UACA: variants seen among roughly 807,000 people sequenced by gnomAD.
The protein encoded by UACA is nuclear membrane binding protein.
Under a neutral mutation model 160.5 loss-of-function variants are expected in UACA, and 112 were observed. That is an observed-to-expected ratio of 0.70 (90% CI 0.60 to 0.82). The LOEUF is 0.82. Ranked by LOEUF, UACA falls within the 40% of genes least tolerant of loss-of-function variation. UACA has a pLI of 0.00. For missense variants in UACA, 1,574 were observed against 1,614.6 expected (o/e 0.97, Z 0.43); for synonymous variants, 557 against 568.4 (o/e 0.98, Z 0.29).
chr15:70,735,204 G>C (rs1011933924), intron 1 of UACA, among the ~76,000 whole-genome samples: 15 of 132,658 alleles, frequency 1.1e-4, no homozygotes, highest in Admixed American at 5.7e-4. Flanking sequence ...AGGGCAGACA[G>C]AGGGATGGGG....
the UACA span, among the ~76,000 whole-genome samples, chr15:70,770,390 C>T: frequency 2.6e-5 from 4 of 152,172 alleles, no homozygotes; most frequent in African/African-American, 4.8e-5. Context: ...GATTTGTCCA[C>T]TCTTATGTCT....
chr15:70,695,103 A>G lies in UACA; in HGVS notation c.215T>C (p.Phe72Ser). The change falls in exon 3 of 19, where the codon TTC (phenylalanine) becomes TCC (serine). Residue 72 changes from phenylalanine to serine, a missense_variant and splice_region_variant. Phe to Ser is a radical substitution (Grantham distance 155). Transcript: ENST00000322954. ...ATTCCCCTTTGAGGTCACAACATGG[A>G]AGCTAAACAAAAAAAAAATATTTGT... ...GKLDVEGRSV[F>S]HVVTSKGNLE... 6.3e-7 allele frequency: 1 copy of G among 1,592,290 alleles called. No homozygotes were observed. The highest frequency in any genetic ancestry group is 8.5e-7 in the Non-Finnish European group (1 of 1,170,104).
intron 9 of UACA, among the ~76,000 whole-genome samples, chr15:70,680,334 A>T (rs1029792321): frequency 1.3e-5 from 2 of 152,096 alleles, no homozygotes; most frequent in Non-Finnish European, 2.9e-5. Flanking sequence ...AACCAAAATG[A>T]TCTTTAAATC....
chr15:70,703,474 A>G (rs1473210505), intron 1 of UACA, among the ~76,000 whole-genome samples: 1 of 152,152 alleles, frequency 6.6e-6, no homozygotes, highest in Non-Finnish European at 1.5e-5. Flanking sequence ...TGAAACAATG[A>G]TTGTTTTTTC....
intron 5 of UACA, 27 bp from the exon 6 acceptor site, chr15:70,687,847 A>G (rs1162922060): frequency 6.2e-7 from 1 of 1,606,058 alleles, no homozygotes; most frequent in Non-Finnish European, 8.5e-7. Context: ...AAAATGATAA[A>G]TGGTGAACAT....
intron 1 of UACA, among the ~76,000 whole-genome samples, chr15:70,726,251 GC>G (rs1158247053): frequency 1.3e-5 from 2 of 152,014 alleles, no homozygotes; most frequent in African/African-American, 4.8e-5. Flanking sequence ...TTGAGTTTCT[GC>G]TTAAATAAGC....
intron 1 of UACA, among the ~76,000 whole-genome samples, chr15:70,735,417 T>C (rs1461513902): frequency 6.6e-6 from 1 of 151,954 alleles, no homozygotes; most frequent in Non-Finnish European, 1.5e-5. Context: ...AAGTGTTGTC[T>C]AGGAATATAT....
chr15:70,712,964 C>T (rs1368257759), intron 1 of UACA, among the ~76,000 whole-genome samples: 1 of 152,174 alleles, frequency 6.6e-6, no homozygotes, highest in Non-Finnish European at 1.5e-5. Context: ...GCATGGAAGA[C>T]AGCCCAAGTC....
intron 1 of UACA, among the ~76,000 whole-genome samples, chr15:70,744,558 A>G (rs1463079459): frequency 6.6e-6 from 1 of 152,200 alleles, no homozygotes; most frequent in Non-Finnish European, 1.5e-5. Context: ...TTAATGGAAT[A>G]AAAGCTACCT....
rs1896469525 is a variant in UACA at position 70,656,174 on chromosome 15, T to C, written c.*882A>G. 1 of 152,206 alleles carries C rather than the reference T, an allele frequency of 6.6e-6. No individual in the cohort carries two copies. Among genetic ancestry groups the C allele is most frequent in the Non-Finnish European group, 1.5e-5 (1 of 68,030 alleles). The allele number at this position is 152,206 out of a possible 1,614,324, so 9.4% of individuals were successfully genotyped here. ...TTTCACATTATTAATCTCATTAATATAACTTTCCTATAAATAAGCATGAAA... is the reference window on the plus strand; with the variant it reads ...TTTCACATTATTAATCTCATTAATACAACTTTCCTATAAATAAGCATGAAA... On this transcript the variant is annotated 3_prime_UTR_variant, in exon 19 of 19. Transcript: ENST00000322954.
chr15:70,729,230 G>A (rs1257789180), intron 1 of UACA, among the ~76,000 whole-genome samples: 7 of 152,068 alleles, frequency 4.6e-5, no homozygotes, highest in South Asian at 2.1e-4. Context: ...AAAAGACACC[G>A]TACTTGTATG....
At position 70,744,675 on chromosome 15, in the gene UACA, C is replaced by A. The variant is rs113835875; in HGVS notation, c.78+18655G>T. On this transcript the variant is annotated intron_variant, in intron 1 of 18. Transcript: ENST00000322954. ...AAAATGGGAGCAGGTAGTGTTAAGA[C>A]CAAAAAACAGTCTTAACAAATATTA... Among the ~76,000 whole-genome samples the A allele has an allele frequency of 8.0e-4, 121 of 152,090 alleles. 1 individual carries two copies. Among genetic ancestry groups the A allele is most frequent in the African/African-American group, 2.8e-3 (116 of 41,484 alleles).
chr15:70,719,225 C>T (rs1898919315), intron 1 of UACA, among the ~76,000 whole-genome samples: 1 of 152,144 alleles, frequency 6.6e-6, no homozygotes, highest in African/African-American at 2.4e-5. Flanking sequence ...CCTGGACTTG[C>T]AAGGTAGAAA....
chr15:70,710,320 T>C (rs1216628909), intron 1 of UACA, among the ~76,000 whole-genome samples: 1 of 152,224 alleles, frequency 6.6e-6, no homozygotes, highest in Non-Finnish European at 1.5e-5. Flanking sequence ...TTTTTATTTA[T>C]AATTGCATAT....
At chr15:70,703,119 G>A in intron 1 of UACA, 1 of 1,289,084 alleles carries the variant, frequency 7.8e-7, no homozygotes, top group Non-Finnish European at 1.0e-6. Context: ...TAGCATACTT[G>A]TATCAACATT....
chr15:70,702,611 G>T (rs186464601), intron 1 of UACA, among the ~76,000 whole-genome samples: 11 of 152,252 alleles, frequency 7.2e-5, no homozygotes, highest in Admixed American at 7.2e-4. Flanking sequence ...TCAGTCTTAG[G>T]ATCATCTAAC....
chr15:70,687,844 T>C (rs776076522), intron 5 of UACA, 24 bp from the exon 6 acceptor site: 1 of 1,609,642 alleles, frequency 6.2e-7, no homozygotes, highest in Non-Finnish European at 8.5e-7. Flanking sequence ...AAGAAAATGA[T>C]AAATGGTGAA....
Position 70,660,212 on chromosome 15 carries a change from G to A in UACA, c.4118C>T (p.Ala1373Val). The A allele has an allele frequency of 6.2e-7, 1 of 1,613,396 alleles. No homozygotes were observed. The highest frequency in any genetic ancestry group is 8.5e-7 in the Non-Finnish European group (1 of 1,179,508). Residue 1373 changes from alanine to valine, a missense_variant, in exon 18 of 19, where the codon GCT becomes GTT. Physicochemically the swap from Ala to Val is moderately conservative, Grantham distance 64 (BLOSUM62 0). Transcript: ENST00000322954. ...AATTACTTCTTGGTGCTGTCTGTCA[G>A]CATCCTAGAAATGTGGAAAGATGGA... ...VKSLEQQLAD[A>V]DRQHQEVIAI...
intron 17 of UACA, chr15:70,661,092 A>T (rs1234641436): frequency 6.6e-6 from 1 of 152,158 alleles, no homozygotes; most frequent in African/African-American, 2.4e-5. Context: ...TGCCACTTGT[A>T]TTCCATCTCC....
Sources: gnomAD v4.1 joint callset for allele counts (sites outside exome capture counted in the v4.1 genomes callset) on GRCh38, gnomAD v4.1.1 for gene constraint, MANE v1.5 for transcripts, NCBI Gene and HGNC (gene_info 2026-07-23, HGNC 2026-07-21) for gene names.